Variants in POLE observed in about 807,000 individuals in gnomAD.
The protein encoded by POLE is DNA polymerase epsilon, catalytic subunit, also known as DNA polymerase epsilon catalytic subunit A.
POLE carries 188 observed loss-of-function variants against 279.2 expected under a neutral mutation model. The ratio of observed to expected loss-of-function variants is 0.67; its 90% CI spans 0.60 to 0.76. The LOEUF is 0.76. Ranked by LOEUF, POLE falls within the 30% of genes least tolerant of loss-of-function variation. The pLI is 0.00. For missense variants in POLE, 2,703 were observed against 3,016.7 expected (o/e 0.90, Z 2.44); for synonymous variants, 1,214 against 1,172.5 (o/e 1.04, Z -0.72).
At chr12:132,652,875 T>C (rs2042453690) in intron 29 of POLE, among the ~76,000 whole-genome samples, 1 of 152,198 alleles carries the variant, frequency 6.6e-6, no homozygotes, top group South Asian at 2.1e-4. Context: ...CAAAATTCTT[T>C]GGTTATTCTT....
At chr12:132,625,285 C>T (rs2041810313) in intron 47 of POLE, 1 of 728,530 alleles carries the variant, frequency 1.4e-6, no homozygotes, top group Non-Finnish European at 2.5e-6. Context: ...CGCCGTGCAC[C>T]ACCACACGGC....
At chr12:132,658,066 G>A (rs111715290) in intron 26 of POLE, 96 bp from the exon 27 acceptor site, 6 of 791,618 alleles carry the variant, frequency 7.6e-6, no homozygotes, top group Non-Finnish European at 4.4e-6. Context: ...ATAAGGACGT[G>A]TAACAGCTGT....
At chr12:132,673,825 G>A in intron 12 of POLE, 118 bp from the exon 13 acceptor site, 4 of 1,181,914 alleles carry the variant, frequency 3.4e-6, no homozygotes, top group Admixed American at 1.8e-5. Context: ...AGGCACCCAG[G>A]AGCCTCACAC....
In POLE at chr12:132,649,919, C is replaced by T. The variant is rs776970451; in HGVS notation, c.3583-30G>A. On this transcript the variant is annotated intron_variant, in intron 29 of 48. Coordinates refer to ENST00000320574, the MANE Select transcript of POLE (RefSeq NM_006231.4). ...AAAGACCCAGTGAAGCCTTAAATCT[C>T]AGGATCTCGGGCTGCGCAGGGTGGC... 8.2e-5 allele frequency: 132 copies of T among 1,602,458 alleles called. 1 individual carries two copies. The highest frequency in any genetic ancestry group is 8.2e-4 in the South Asian group (74 of 90,480).
rs1270052286 is a variant in POLE, at chr12:132,657,400, C to A, written c.3408G>T (p.Arg1136=). The A allele has an allele frequency of 1.2e-6, 2 of 1,614,116 alleles. No homozygotes were observed. Among genetic ancestry groups the A allele is most frequent in the East Asian group, 2.2e-5 (1 of 44,876 alleles). The change falls in exon 28 of 49, where the codon CGG becomes CGT. Residue 1136 remains arginine (R), a synonymous_variant. Transcript: ENST00000320574. ...AILDWDYYIE[R]LGSAIQKIIT... ...TGATCTTCTGGATGGCGCTTCCCAG[C>A]CGCTCAATGTAGTAGTCCCAATCCA... is the stretch of plus-strand genomic sequence containing the variant.
chr12:132,649,521 ATGG>A lies in POLE; in HGVS notation c.3796-9_3796-7del. 1 of 1,612,022 alleles carries A rather than the reference ATGG, an allele frequency of 6.2e-7. No homozygotes were observed. Among genetic ancestry groups the A allele is most frequent in the Non-Finnish European group, 8.5e-7 (1 of 1,179,682 alleles). On this transcript the variant is annotated splice_region_variant and splice_polypyrimidine_tract_variant and intron_variant, in intron 30 of 48. Transcript: ENST00000320574. Reference sequence around the variant, plus strand: ...AGCCAGACAAGCCATTCCTCCTGGGATGGATGGTGAGCACAGCCAGTGTGCAAG... The same window carrying A: ...AGCCAGACAAGCCATTCCTCCTGGGAATGGTGAGCACAGCCAGTGTGCAAG...
chr12:132,637,010 G>A (rs572625442), intron 41 of POLE, among the ~76,000 whole-genome samples: 6 of 152,346 alleles, frequency 3.9e-5, no homozygotes, highest in African/African-American at 1.4e-4. Context: ...CGTGGGGAGA[G>A]GCACATCCTT....
Position 132,643,846 on chromosome 12 carries a change from A to G in POLE, c.4281T>C (p.Tyr1427=). The change falls in exon 33 of 49, where the codon TAT becomes TAC. Residue 1427 remains tyrosine (Y), a synonymous_variant. Coordinates refer to ENST00000320574, the MANE Select transcript of POLE (RefSeq NM_006231.4). ...ELSAPDIEGV[Y]ETQVPLLFRA... is the part of the protein sequence containing the mutation. ...GTGGCTGGGGAGTCACCTGAGTCTC[A>G]TATACGCCCTCGATGTCTGGCGCTG... is the stretch of plus-strand genomic sequence containing the variant. 1.9e-6 allele frequency: 3 copies of G among 1,613,908 alleles called. No individual in the cohort carries two copies. Among genetic ancestry groups the G allele is most frequent in the Non-Finnish European group, 2.5e-6 (3 of 1,179,878 alleles).
Position 132,626,294 on chromosome 12 carries a change from G to A in POLE, c.6354C>T (p.Ile2118=), listed in dbSNP as rs547872135. The stretch of plus-strand genomic sequence containing the variant: ...GGTTCAGCTTATTCACCTGGTTTGT[G>A]ATGTTGGTGTCCAGGGACAGCACCT... The part of the protein sequence containing the change: ...VCKVLSLDTN[I]TNQVNKLNRD... The change falls in exon 46 of 49, where the codon ATC becomes ATT. Residue 2118 remains isoleucine, a synonymous_variant. Transcript: ENST00000320574. 1.3e-5 allele frequency: 21 copies of A among 1,613,786 alleles called. No homozygotes were observed. The African/African-American group carries it at 2.5e-4, about 19-fold the overall frequency.
At chr12:132,673,789 C>T (rs2136001818) in intron 12 of POLE, 82 bp from the exon 13 acceptor site, 1 of 1,538,492 alleles carries the variant, frequency 6.5e-7, no homozygotes, top group South Asian at 1.1e-5. Flanking sequence ...AACTGGGCAC[C>T]ACACAGACAG....
chr12:132,626,033 T>A, intron 46 of POLE, 84 bp downstream of exon 46: 1 of 1,365,466 alleles, frequency 7.3e-7, no homozygotes, highest in Non-Finnish European at 1.0e-6. Context: ...CCCACAGAGC[T>A]GGAGCTGCAG....
intron 1 of POLE, among the ~76,000 whole-genome samples, chr12:132,686,934 T>C (rs1268407666): frequency 7.1e-6 from 1 of 141,292 alleles, no homozygotes; most frequent in African/African-American, 2.7e-5. Flanking sequence ...CCCGCCGCTC[T>C]CATCGCCCCC....
rs1037662803 is a variant in POLE, at chr12:132,676,372, C to A, written c.910-168G>T. 7 of 708,940 alleles carry A rather than the reference C, an allele frequency of 9.9e-6. No individual in the cohort carries two copies. In the African/African-American group the frequency reaches 1.3e-4, roughly 13 times the overall value. 43.9% of individuals were successfully genotyped at this position (708,940 alleles called of 1,614,324 possible). ...GAAGAGACGCTCTGTGTGTGGATTCCCACTCGAAAGGGGAGGGTACAGCTG... is the reference window on the plus strand; with the variant it reads ...GAAGAGACGCTCTGTGTGTGGATTCACACTCGAAAGGGGAGGGTACAGCTG... On this transcript the variant is annotated intron_variant, in intron 9 of 48. Transcript: ENST00000320574.
intron 39 of POLE, 47 bp downstream of exon 39, chr12:132,641,600 G>C: frequency 6.5e-7 from 1 of 1,527,570 alleles, no homozygotes; most frequent in South Asian, 1.1e-5. Flanking sequence ...AAGGGCAAAG[G>C]ATAAGACCCT....
At position 132,680,685 on chromosome 12, in the gene POLE, G is replaced by T; in HGVS notation, c.207C>A (p.Thr69=). 1.2e-6 allele frequency: 2 copies of T among 1,611,612 alleles called. No homozygotes were observed. The highest frequency in any genetic ancestry group is 1.1e-5 in the South Asian group (1 of 91,034). ...KTGWLINMHP[T]EILDEDKRLG... is the part of the protein sequence containing the mutation. ...AGCGCTTATCTTCATCTAAAATCTC[G>T]GTCTACAAGAGAATCAGTCAACACA... The change falls in exon 3 of 49, where the codon ACC becomes ACA. Residue 69 remains threonine, a splice_region_variant and synonymous_variant. Transcript: ENST00000320574.
chr12:132,641,564 T>C, intron 39 of POLE, 83 bp downstream of exon 39: 4 of 1,198,192 alleles, frequency 3.3e-6, no homozygotes, highest in Non-Finnish European at 3.6e-6. Flanking sequence ...CAATGGACCC[T>C]GTCTTAGACC....
Position 132,632,667 on chromosome 12 carries a change from G to T in POLE, c.6133C>A (p.Pro2045Thr), listed in dbSNP as rs910631094. 1 of 1,613,998 alleles carries T rather than the reference G, an allele frequency of 6.2e-7. No homozygotes were observed. The highest frequency in any genetic ancestry group is 1.7e-5 in the Admixed American group (1 of 60,012). ...QEAEGAVGAL[P>T]GMITFSQDYV... The stretch of plus-strand genomic sequence containing the variant: ...CAAAAGACAAAAGACTGCTCACCGG[G>T]AAGGGCTCCGACCGCCCCCTCGGCC... Residue 2045 changes from proline to threonine, a missense_variant, in exon 44 of 49, where the codon CCC becomes ACC. Transcript: ENST00000320574.
chr12:132,655,200 G>A (rs1007101751), intron 29 of POLE, among the ~76,000 whole-genome samples: 1 of 152,088 alleles, frequency 6.6e-6, no homozygotes, highest in Admixed American at 6.6e-5. Flanking sequence ...ATATAAATGC[G>A]TATACAAGTC....
intron 1 of POLE, among the ~76,000 whole-genome samples, chr12:132,686,207 C>T (rs933214710): frequency 6.6e-6 from 1 of 151,972 alleles, no homozygotes; most frequent in Non-Finnish European, 1.5e-5. Context: ...GCAGGCCAGT[C>T]CTCCGGTCAT....
Sources: allele counts gnomAD v4.1 joint callset (sites outside exome capture counted in the v4.1 genomes callset), GRCh38; gene constraint gnomAD v4.1.1; transcripts MANE v1.5; gene names NCBI Gene and HGNC (gene_info 2026-07-23, HGNC 2026-07-21).